The following FGF14 variants were observed in gnomAD, a reference collection of about 807,000 sequenced individuals.
FGF14 encodes fibroblast growth factor homologous factor 4.
A neutral mutation model predicts 25.5 loss-of-function variants in FGF14; 5 were observed. That is an observed-to-expected ratio of 0.20 (90% CI 0.10 to 0.41). The LOEUF (loss-of-function observed/expected upper bound fraction) is 0.41, where lower values mean the gene tolerates loss of function less well. Ranked by LOEUF, FGF14 falls within the 10% of genes least tolerant of loss-of-function variation. The pLI is 1.00. For synonymous variants in FGF14, 138 were observed against 118.3 expected (o/e 1.17, Z -1.08); for missense variants, 222 against 320.1 (o/e 0.69, Z 2.34).
intron 1 of FGF14, among the ~76,000 whole-genome samples, chr13:101,883,855 G>T (rs1056254592): frequency 6.6e-6 from 1 of 151,708 alleles, no homozygotes; most frequent in African/African-American, 2.4e-5. Context: ...CTGAGGTCAG[G>T]AGTTCAACAC....
At chr13:102,263,124 G>A in intron 1 of FGF14, 1 of 622,236 alleles carries the variant, frequency 1.6e-6, no homozygotes, top group South Asian at 1.4e-5. Context: ...TAAATCCACT[G>A]GGGAATGGGA....
chr13:101,731,258 A>T (rs556605238), intron 3 of FGF14, among the ~76,000 whole-genome samples: 2 of 152,338 alleles, frequency 1.3e-5, no homozygotes, highest in South Asian at 4.1e-4. Context: ...GAAAATGCTT[A>T]TTTAAATTTA....
chr13:101,822,606 G>T (rs1466710047), intron 3 of FGF14, among the ~76,000 whole-genome samples: 1 of 151,880 alleles, frequency 6.6e-6, no homozygotes, highest in African/African-American at 2.4e-5. Context: ...CATGACTATG[G>T]CATGTTTGTA....
intron 1 of FGF14, among the ~76,000 whole-genome samples, chr13:102,285,802 G>A (rs1191738840): frequency 6.6e-6 from 1 of 152,168 alleles, no homozygotes; most frequent in East Asian, 1.9e-4. Context: ...ATGAAAAAAT[G>A]GAAGCAAAGA....
At position 102,271,045 on chromosome 13, in the gene FGF14, T is replaced by G. The variant is rs556193738; in HGVS notation, c.208+130426A>C. Among the ~76,000 whole-genome samples the G allele has an allele frequency of 2.0e-5, 3 of 152,364 alleles. No individual in the cohort carries two copies. The South Asian group carries it at 6.2e-4, about 32-fold the overall frequency. ...GTTTTAAAAGGACACAGTTTCTGTA[T>G]TCATATTAGCTAGTTACTCCACATG... is the stretch of plus-strand genomic sequence containing the variant. On this transcript the variant is annotated intron_variant, in intron 1 of 4. Transcript: ENST00000376131.
Position 102,286,112 on chromosome 13 carries a change from TAAG to T in FGF14, c.208+115356_208+115358del, listed in dbSNP as rs762578833. ...CAGGCTCCAACTTGGTAGAGGGAGG[TAAG>T]TAGTCTCGTTCATGAATGTTTTTAT... On this transcript the variant is annotated intron_variant, in intron 1 of 4. Transcript: ENST00000376131. Among the ~76,000 whole-genome samples the T allele has an allele frequency of 1.3e-3, 191 of 152,268 alleles. 3 individuals are homozygous for T. The highest frequency in any genetic ancestry group is 1.9e-3 in the Non-Finnish European group (129 of 68,010).
At chr13:102,175,051 C>A (rs554354434) in intron 1 of FGF14, among the ~76,000 whole-genome samples, 6 of 152,244 alleles carry the variant, frequency 3.9e-5, no homozygotes, top group African/African-American at 1.4e-4. Context: ...AGATTCAACA[C>A]GATTTTTATC....
At chr13:101,872,981 T>C (rs1214519530) in intron 2 of FGF14, among the ~76,000 whole-genome samples, 1 of 152,010 alleles carries the variant, frequency 6.6e-6, no homozygotes, top group African/African-American at 2.4e-5. Context: ...TCAGAAGAAA[T>C]TTCAAGATTC....
chr13:101,868,011 G>A (rs1228504752), intron 3 of FGF14, among the ~76,000 whole-genome samples: 3 of 151,486 alleles, frequency 2.0e-5, no homozygotes, highest in Non-Finnish European at 2.9e-5. Flanking sequence ...GAGTTTCAAC[G>A]AATTTACATG....
chr13:102,184,814 C>T (rs2048814684), intron 1 of FGF14, among the ~76,000 whole-genome samples: 1 of 152,124 alleles, frequency 6.6e-6, no homozygotes, highest in Admixed American at 6.6e-5. Flanking sequence ...GAATATTCAT[C>T]TCTTTTGGCC....
At chr13:102,388,520 C>T (rs2058358697) in intron 1 of FGF14, among the ~76,000 whole-genome samples, 1 of 152,194 alleles carries the variant, frequency 6.6e-6, no homozygotes, top group South Asian at 2.1e-4. Context: ...CTCATTTACA[C>T]CTTCTGTTTC....
At chr13:102,374,679 T>TGTC (rs1432638590) in intron 1 of FGF14, among the ~76,000 whole-genome samples, 1 of 102,194 alleles carries the variant, frequency 9.8e-6, no homozygotes. Context: ...TATATATATA[T>TGTC]ATATATATAT....
chr13:101,822,853 C>A (rs190162921), intron 3 of FGF14, among the ~76,000 whole-genome samples: 1 of 152,182 alleles, frequency 6.6e-6, no homozygotes, highest in African/African-American at 2.4e-5. Context: ...ATTTTTGTAT[C>A]TATTAACTAA....
intron 1 of FGF14, among the ~76,000 whole-genome samples, chr13:102,276,760 G>A (rs2053571413): frequency 6.6e-6 from 1 of 152,030 alleles, no homozygotes; most frequent in Admixed American, 6.6e-5. Context: ...CAGAAACACA[G>A]GAATGATATG....
At chr13:102,364,332 T>C (rs1343184456) in intron 1 of FGF14, among the ~76,000 whole-genome samples, 2 of 152,214 alleles carry the variant, frequency 1.3e-5, no homozygotes, top group Non-Finnish European at 2.9e-5. Flanking sequence ...TCCAATTTGT[T>C]TTCATGGTTT....
intron 1 of FGF14, among the ~76,000 whole-genome samples, chr13:102,140,858 C>T (rs2140455397): frequency 6.6e-6 from 1 of 152,270 alleles, no homozygotes; most frequent in Middle Eastern, 3.4e-3. Flanking sequence ...AGAAACTAAA[C>T]TCAAACCCAA....
rs1454459067 is a variant in FGF14 at position 101,713,226 on chromosome 13, T to C, written c.*9605A>G. On this transcript the variant is annotated 3_prime_UTR_variant, in exon 5 of 5. Coordinates refer to ENST00000376143, the MANE Select transcript of FGF14 (RefSeq NM_004115.4). Reference sequence around the variant, plus strand: ...CATAGTTGAGACACATGAACCTGAATCCTTTCATGATATCTGTGATGACCA... The same window carrying C: ...CATAGTTGAGACACATGAACCTGAACCCTTTCATGATATCTGTGATGACCA... The C allele has an allele frequency of 1.3e-5, 2 of 152,208 alleles. No individual in the cohort carries two copies. The highest frequency in any genetic ancestry group is 1.3e-4 in the Admixed American group (2 of 15,282). 9.4% of individuals were successfully genotyped at this position (152,208 alleles called of 1,614,324 possible). A position where few individuals can be genotyped will look rare whatever the true frequency, so the allele number is the denominator to read the frequency against.
At chr13:101,985,696 T>G (rs993299203) in intron 1 of FGF14, among the ~76,000 whole-genome samples, 1 of 152,126 alleles carries the variant, frequency 6.6e-6, no homozygotes, top group South Asian at 2.1e-4. Flanking sequence ...CAGCTCCTAG[T>G]GTCATCCTGT....
At chr13:101,770,444 AAT>A (rs1261038040) in intron 3 of FGF14, among the ~76,000 whole-genome samples, 1 of 152,174 alleles carries the variant, frequency 6.6e-6, no homozygotes, top group Non-Finnish European at 1.5e-5. Flanking sequence ...TGACAGGTTA[AAT>A]TTCATTTAAT....
Sources: gnomAD v4.1 joint callset for allele counts (sites outside exome capture counted in the v4.1 genomes callset) on GRCh38, gnomAD v4.1.1 for gene constraint, MANE v1.5 for transcripts, NCBI Gene and HGNC (gene_info 2026-07-23, HGNC 2026-07-21) for gene names.